The following PNPLA2 variants were observed in gnomAD, a reference collection of about 807,000 sequenced individuals.
The protein encoded by PNPLA2 is patatin-like phospholipase domain-containing protein 2.
In PNPLA2, 28 loss-of-function variants were observed where a neutral mutation model predicts 39.7. The observed-to-expected ratio is 0.70, with a 90% CI of 0.52 to 0.97. The LOEUF (loss-of-function observed/expected upper bound fraction) is 0.97, where lower values mean the gene tolerates loss of function less well. PNPLA2 is among the 50% of genes least tolerant of loss of function. The pLI, the probability that PNPLA2 is intolerant of heterozygous loss-of-function variation, is 0.00. For missense variants in PNPLA2, 768 were observed against 698.2 expected (o/e 1.10, Z -1.13); for synonymous variants, 392 against 321.1 (o/e 1.22, Z -2.36).
rs368378299 is a variant in PNPLA2, at chr11:822,290, G to A, written c.487-107G>A. ...CCCAGTGGGTAAAACGCTCAAATGA[G>A]GTAGCCACTGAATGGGGCCCTTGGT... On this transcript the variant is annotated intron_variant, in intron 4 of 9. Coordinates refer to ENST00000336615, the MANE Select transcript of PNPLA2 (RefSeq NM_020376.4). The A allele has an allele frequency of 4.2e-5, 43 of 1,033,378 alleles. No individual in the cohort carries two copies. In the African/African-American group the frequency reaches 5.9e-4, roughly 14 times the overall value. 64.0% of individuals were successfully genotyped at this position (1,033,378 alleles called of 1,614,324 possible).
Position 819,657 on chromosome 11 carries a change from A to G in PNPLA2, c.-62A>G. ...CCCCGGCTCCAGCGAGCGAGCGGCG[A>G]GCAGGCGGCTCACAGAGGCCTGGCC... On this transcript the variant is annotated 5_prime_UTR_variant, in exon 2 of 10. Transcript: ENST00000336615. The G allele has an allele frequency of 1.4e-6, 2 of 1,412,464 alleles. No individual in the cohort carries two copies. Among genetic ancestry groups the G allele is most frequent in the Non-Finnish European group, 1.9e-6 (2 of 1,074,456 alleles). 87.5% of individuals were successfully genotyped at this position (1,412,464 alleles called of 1,614,324 possible). A position where few individuals can be genotyped will look rare whatever the true frequency, so the allele number is the denominator to read the frequency against.
Position 824,911 on chromosome 11 carries a change from T to C in PNPLA2, c.*49T>C. ...CTGCCTGAGACGCCTCCATTACCAC[T>C]GCGCAGTGAGATGAGGGGACTCACA... On this transcript the variant is annotated 3_prime_UTR_variant, in exon 10 of 10. Coordinates refer to ENST00000336615, the MANE Select transcript of PNPLA2 (RefSeq NM_020376.4). 1 of 1,412,208 alleles carries C rather than the reference T, an allele frequency of 7.1e-7. No homozygotes were observed. The highest frequency in any genetic ancestry group is 9.7e-7 in the Non-Finnish European group (1 of 1,034,170). The allele number at this position is 1,412,208 out of a possible 1,614,324, so 87.5% of individuals were successfully genotyped here. A position where few individuals can be genotyped will look rare whatever the true frequency, so the allele number is the denominator to read the frequency against.
rs754947101 is a variant in PNPLA2, at chr11:824,699, AC to A, written c.1353del (p.Asn451LysfsTer38). On this transcript the variant is annotated frameshift_variant, in exon 10 of 10. Transcript: ENST00000336615. LOFTEE classifies it low-confidence loss of function (END_TRUNC). The part of the protein sequence containing the change: ...RQLLLGLFCT[N>X]VAFPPEALRM... ...CTGCTGCTCGGCCTCTTCTGCACCA[AC>A]GTGGCCTTCCCGCCCGAAGCTCTGC... The A allele has an allele frequency of 1.2e-4, 194 of 1,594,098 alleles. 1 individual carries two copies. The East Asian group carries it at 4.3e-3, about 36-fold the overall frequency.
chr11:824,479 G>T (rs1350444291), intron 9 of PNPLA2, 43 bp downstream of exon 9: 2 of 1,546,038 alleles, frequency 1.3e-6, no homozygotes, highest in East Asian at 2.4e-5. Flanking sequence ...CGCGGTGCTA[G>T]CGCCGGGAGC....
At chr11:821,173 C>T (rs1268535171) in intron 2 of PNPLA2, 3 of 241,614 alleles carry the variant, frequency 1.2e-5, no homozygotes, top group African/African-American at 6.8e-5. Context: ...CAGTGGGACA[C>T]AGGTGTGCCT....
rs941364620 is a variant in PNPLA2, at chr11:825,043, G to A, written c.*181G>A. On this transcript the variant is annotated 3_prime_UTR_variant, in exon 10 of 10. Coordinates refer to ENST00000336615, the MANE Select transcript of PNPLA2 (RefSeq NM_020376.4). ...CCCTCCCCTGGGCCGCTGAGGCCCCGCGCACCTGTGCCTTAATCTTCCCTC... is the reference window on the plus strand; with the variant it reads ...CCCTCCCCTGGGCCGCTGAGGCCCCACGCACCTGTGCCTTAATCTTCCCTC... 22 of 648,198 alleles carry A rather than the reference G, an allele frequency of 3.4e-5. No homozygotes were observed. The highest frequency in any genetic ancestry group is 5.1e-4 in the Middle Eastern group (2 of 3,914). 40.2% of individuals were successfully genotyped at this position (648,198 alleles called of 1,614,324 possible). A position where few individuals can be genotyped will look rare whatever the true frequency, so the allele number is the denominator to read the frequency against.
In PNPLA2 at chr11:823,687, A is replaced by T. The variant is rs750122869; in HGVS notation, c.758-7A>T. ...GAACTGAGAATCCCTTCTCTCCCCAACCCCAGGCCTCCTGAACCGGCCCAA... is the reference window on the plus strand; with the variant it reads ...GAACTGAGAATCCCTTCTCTCCCCATCCCCAGGCCTCCTGAACCGGCCCAA... On this transcript the variant is annotated splice_polypyrimidine_tract_variant and splice_region_variant and intron_variant, in intron 6 of 9. Coordinates refer to ENST00000336615, the MANE Select transcript of PNPLA2 (RefSeq NM_020376.4). 1 of 1,605,304 alleles carries T rather than the reference A, an allele frequency of 6.2e-7. No individual in the cohort carries two copies. Among genetic ancestry groups the T allele is most frequent in the South Asian group, 1.1e-5 (1 of 89,764 alleles).
Position 823,780 on chromosome 11 carries a change from G to A in PNPLA2, c.844G>A (p.Ala282Thr), listed in dbSNP as rs146739862. The A allele has an allele frequency of 1.4e-4, 223 of 1,606,868 alleles. 1 individual carries two copies. Among genetic ancestry groups the A allele is most frequent in the Non-Finnish European group, 1.8e-4 (212 of 1,177,660 alleles). ...PEDKDQAVES[A>T]QAEDYSQLPG... ...GGACAAGGACCAGGCAGTGGAGAGC[G>A]CCCAAGCGGAGGATTACTCGCAGCT... The change falls in exon 7 of 10, where the codon GCC (alanine) becomes ACC (threonine). Residue 282 changes from alanine to threonine, a missense_variant. Ala to Thr is a moderately conservative substitution (Grantham distance 58). Coordinates refer to ENST00000336615, the MANE Select transcript of PNPLA2 (RefSeq NM_020376.4).
intron 5 of PNPLA2, 40 bp from the exon 6 acceptor site, chr11:823,487 C>T (rs968899673): frequency 2.5e-6 from 4 of 1,572,812 alleles, no homozygotes; most frequent in Admixed American, 1.8e-5. Flanking sequence ...GAACGGGCAT[C>T]CCTGGCTCCC....
Position 824,820 on chromosome 11 carries a change from T to C in PNPLA2, c.1473T>C (p.Pro491=), listed in dbSNP as rs1590181228. The C allele has an allele frequency of 6.5e-7, 1 of 1,534,744 alleles. No homozygotes were observed. The highest frequency in any genetic ancestry group is 2.4e-5 in the East Asian group (1 of 40,886). ...GGCCTGCCCCCTTGCTGAGCACCCC[T>C]GCTCCCGAGGCCCGGCCCGTGATCG... The part of the protein sequence containing the change: ...LAGPAPLLST[P]APEARPVIGA... The change falls in exon 10 of 10, where the codon CCT becomes CCC. Residue 491 remains proline (P), a synonymous_variant. Transcript: ENST00000336615.
intron 5 of PNPLA2, 119 bp from the exon 6 acceptor site, chr11:823,408 G>A (rs1219166329): frequency 7.9e-6 from 7 of 888,534 alleles, no homozygotes; most frequent in Non-Finnish European, 1.3e-5. Flanking sequence ...TCTAGGATAG[G>A]TTTTGGGGTT....
intron 1 of PNPLA2, 90 bp from the exon 2 acceptor site, chr11:819,484 C>T (rs1845596687): frequency 8.1e-7 from 1 of 1,231,186 alleles, no homozygotes; most frequent in Non-Finnish European, 1.0e-6. Flanking sequence ...ACGGCCGTTC[C>T]CTGCGCGCCC....
In PNPLA2 at chr11:824,873, C is replaced by T. The variant is rs2049357507; in HGVS notation, c.*11C>T. 1.3e-6 allele frequency: 2 copies of T among 1,529,810 alleles called. No homozygotes were observed. The highest frequency in any genetic ancestry group is 8.8e-7 in the Non-Finnish European group (1 of 1,141,772). The allele number at this position is 1,529,810 out of a possible 1,614,324, so 94.8% of individuals were successfully genotyped here. On this transcript the variant is annotated 3_prime_UTR_variant, in exon 10 of 10. Transcript: ENST00000336615. ...GCCCTGGGGCTGTGAGACCCCGACC[C>T]TCTCGAGGAACCCTGCCTGAGACGC...
chr11:819,405 C>T (rs1475070425), intron 1 of PNPLA2, 169 bp from the exon 2 acceptor site: 5 of 976,344 alleles, frequency 5.1e-6, no homozygotes, highest in Non-Finnish European at 6.1e-6. Flanking sequence ...AAGCTTTCTC[C>T]GGGCGGCAGC....
intron 5 of PNPLA2, among the ~76,000 whole-genome samples, 168 bp downstream of exon 5, chr11:822,774 T>C (rs1028384821): frequency 9.3e-5 from 14 of 151,164 alleles, no homozygotes; most frequent in Non-Finnish European, 1.9e-4. Context: ...CCATCCAACC[T>C]CTCTGTCTAG....
chr11:819,465 C>T (rs1845595973), intron 1 of PNPLA2, 109 bp from the exon 2 acceptor site: 1 of 1,197,914 alleles, frequency 8.3e-7, no homozygotes, highest in Non-Finnish European at 1.0e-6. Flanking sequence ...GGGGGCGGGT[C>T]CCGAGGGCAC....
At position 823,699 on chromosome 11, in the gene PNPLA2, C is replaced by T. The variant is rs372502231; in HGVS notation, c.763C>T (p.Leu255=). The stretch of plus-strand genomic sequence containing the variant: ...CCTTCTCTCCCCAACCCCAGGCCTC[C>T]TGAACCGGCCCAACCCCTTGCTGGC... ...GLRFLQRNGL[L]NRPNPLLALP... The change falls in exon 7 of 10, where the codon CTG becomes TTG. Residue 255 remains leucine, a synonymous_variant. Transcript: ENST00000336615. 9 of 1,607,016 alleles carry T rather than the reference C, an allele frequency of 5.6e-6. No individual in the cohort carries two copies. Among genetic ancestry groups the T allele is most frequent in the Non-Finnish European group, 7.6e-6 (9 of 1,177,360 alleles).
At chr11:819,481 T>C (rs1411222198) in intron 1 of PNPLA2, 93 bp from the exon 2 acceptor site, 1 of 1,226,106 alleles carries the variant, frequency 8.2e-7, no homozygotes, top group Non-Finnish European at 1.0e-6. Context: ...GGCACGGCCG[T>C]TCCCTGCGCG....
chr11:824,568 C>G lies in PNPLA2; in HGVS notation c.1221C>G (p.Ser407=), dbSNP rs758008203. Residue 407 remains serine, a synonymous_variant, in exon 10 of 10, where the codon TCC becomes TCG. Coordinates refer to ENST00000336615, the MANE Select transcript of PNPLA2 (RefSeq NM_020376.4). ...VELRRVQSLP[S]VPLSCAAYRE... The stretch of plus-strand genomic sequence containing the variant: ...TGCGCCGCGTCCAGTCGCTGCCGTC[C>G]GTGCCGCTGTCCTGCGCCGCCTACA... 3 of 1,571,694 alleles carry G rather than the reference C, an allele frequency of 1.9e-6. No homozygotes were observed. The highest frequency in any genetic ancestry group is 1.1e-5 in the South Asian group (1 of 86,962).
Sources: allele counts gnomAD v4.1 joint callset (sites outside exome capture counted in the v4.1 genomes callset), GRCh38; gene constraint gnomAD v4.1.1; transcripts MANE v1.5; gene names NCBI Gene and HGNC (gene_info 2026-07-23, HGNC 2026-07-21).